Variants in HIKESHI observed in about 807,000 individuals in gnomAD.
The protein encoded by HIKESHI is protein Hikeshi.
In HIKESHI, 13 loss-of-function variants were observed where a neutral mutation model predicts 25.7. The observed-to-expected ratio is 0.51, with a 90% CI of 0.33 to 0.80. The LOEUF (loss-of-function observed/expected upper bound fraction) is 0.80. HIKESHI is among the 30% of genes least tolerant of loss of function. The probability of loss-of-function intolerance (pLI) is 0.02; values close to 1 mark genes in which losing one functional copy is unlikely to be tolerated. For synonymous variants in HIKESHI, 76 were observed against 78.7 expected (o/e 0.97, Z 0.18); for missense variants, 174 against 229.5 (o/e 0.76, Z 1.56).
rs528002201 is a variant in HIKESHI at position 86,345,380 on chromosome 11, C to G, written c.540-204C>G. 7.7e-5 allele frequency: 34 copies of G among 438,944 alleles called. 1 individual carries two copies. Among genetic ancestry groups the G allele is most frequent in the Middle Eastern group, 1.2e-3 (2 of 1,728 alleles). The allele number at this position is 438,944 out of a possible 1,614,324, so 27.2% of individuals were successfully genotyped here. On this transcript the variant is annotated intron_variant, in intron 4 of 4. Coordinates refer to ENST00000278483, the MANE Select transcript of HIKESHI (RefSeq NM_016401.4). ...TATGATTTGTGCTCTCTGATAAAAG[C>G]TAATCAAAACTGCCCCGATATTTAA... is the stretch of plus-strand genomic sequence containing the variant.
At chr11:86,331,076 C>A (rs566479269) in intron 2 of HIKESHI, among the ~76,000 whole-genome samples, 2 of 151,512 alleles carry the variant, frequency 1.3e-5, no homozygotes, top group African/African-American at 4.8e-5. Context: ...TTTTGTTTTT[C>A]TTTTTAGGGA....
intron 2 of HIKESHI, 40 bp downstream of exon 2, chr11:86,306,522 AC>A (rs1656750263): frequency 1.6e-6 from 2 of 1,269,080 alleles, no homozygotes; most frequent in Admixed American, 4.1e-5. Context: ...AATTAATCAA[AC>A]TTTTTTCTTA....
At chr11:86,338,315 A>G (rs1947624565) in intron 3 of HIKESHI, among the ~76,000 whole-genome samples, 3 of 152,300 alleles carry the variant, frequency 2.0e-5, no homozygotes, top group South Asian at 4.1e-4. Context: ...CCTATTATCA[A>G]GAGGAAAAAT....
chr11:86,310,872 T>C (rs946115458), intron 2 of HIKESHI, among the ~76,000 whole-genome samples: 3 of 152,196 alleles, frequency 2.0e-5, no homozygotes, highest in African/African-American at 7.2e-5. Context: ...ATTTATTGAT[T>C]TGTGTATGTT....
chr11:86,328,520 C>T (rs1275844269), intron 2 of HIKESHI, among the ~76,000 whole-genome samples: 1 of 151,580 alleles, frequency 6.6e-6, no homozygotes, highest in Non-Finnish European at 1.5e-5. Flanking sequence ...TGTATGCTCA[C>T]TGCAACCTCT....
chr11:86,316,082 C>T (rs1027999990), intron 2 of HIKESHI, among the ~76,000 whole-genome samples: 2 of 127,224 alleles, frequency 1.6e-5, no homozygotes, highest in Non-Finnish European at 3.1e-5. Context: ...GAGTCCAAGA[C>T]CAGATTGGGC....
At chr11:86,337,988 C>T (rs1281678353) in intron 3 of HIKESHI, among the ~76,000 whole-genome samples, 1 of 152,156 alleles carries the variant, frequency 6.6e-6, no homozygotes, top group African/African-American at 2.4e-5. Flanking sequence ...AATCAAGCTA[C>T]TTAACATATC....
intron 4 of HIKESHI, chr11:86,345,094 A>T: frequency 4.6e-6 from 5 of 1,083,964 alleles, no homozygotes; most frequent in South Asian, 4.2e-5. Context: ...TGTTTTATAG[A>T]TATTTCTTTT....
At chr11:86,341,675 T>C (rs1947734978) in intron 3 of HIKESHI, among the ~76,000 whole-genome samples, 1 of 152,092 alleles carries the variant, frequency 6.6e-6, no homozygotes, top group Admixed American at 6.5e-5. Flanking sequence ...AGATGGGGCC[T>C]CATTATGTTG....
At chr11:86,319,242 A>ATATTTTTTTTTTTTT (rs1383589741) in intron 2 of HIKESHI, among the ~76,000 whole-genome samples, 1 of 94,952 alleles carries the variant, frequency 1.1e-5, no homozygotes, top group African/African-American at 4.6e-5. Flanking sequence ...ATATATATAT[A>ATATTTTTTTTTTTTT]TTTTTTTTTT....
intron 3 of HIKESHI, chr11:86,344,240 A>C (rs1007933499): frequency 1.2e-5 from 2 of 167,058 alleles, no homozygotes; most frequent in African/African-American, 2.4e-5. Context: ...ATTTTGAAGA[A>C]AAATTTTTTT....
chr11:86,321,599 G>A (rs1477946139), intron 2 of HIKESHI, among the ~76,000 whole-genome samples: 1 of 151,214 alleles, frequency 6.6e-6, no homozygotes, highest in Non-Finnish European at 1.5e-5. Flanking sequence ...GCATGATCTC[G>A]ACTCACTGCA....
intron 2 of HIKESHI, among the ~76,000 whole-genome samples, chr11:86,316,028 G>A (rs1437720548): frequency 4.1e-5 from 6 of 145,786 alleles, no homozygotes; most frequent in Non-Finnish European, 7.5e-5. Context: ...GCTAATAGTC[G>A]CAGCTACTCA....
intron 2 of HIKESHI, among the ~76,000 whole-genome samples, chr11:86,314,788 G>T (rs949015303): frequency 5.9e-5 from 9 of 152,076 alleles, no homozygotes; most frequent in Admixed American, 5.9e-4. Context: ...AAATCCCTAC[G>T]GCTATGGTTC....
At chr11:86,324,026 A>G (rs146996096) in intron 2 of HIKESHI, 5 of 152,202 alleles carry the variant, frequency 3.3e-5, no homozygotes, top group African/African-American at 9.6e-5. Context: ...ATGTGGTCTC[A>G]CTATGTTGCC....
chr11:86,337,791 G>A (rs1170030166), intron 3 of HIKESHI, among the ~76,000 whole-genome samples: 1 of 152,094 alleles, frequency 6.6e-6, no homozygotes, highest in Non-Finnish European at 1.5e-5. Context: ...CTGAGTAGCT[G>A]GGACTACAGG....
chr11:86,319,450 T>A (rs1369840735), intron 2 of HIKESHI, among the ~76,000 whole-genome samples: 1 of 149,598 alleles, frequency 6.7e-6, no homozygotes, highest in East Asian at 2.0e-4. Flanking sequence ...AGAGATGGGG[T>A]TTTGCCATGC....
intron 2 of HIKESHI, among the ~76,000 whole-genome samples, chr11:86,312,062 G>C (rs1403553385): frequency 6.6e-6 from 1 of 152,198 alleles, no homozygotes. Flanking sequence ...GAGTTCTGTA[G>C]ATGTCTATTA....
chr11:86,314,048 T>G (rs1946906985), intron 2 of HIKESHI, among the ~76,000 whole-genome samples: 1 of 152,220 alleles, frequency 6.6e-6, no homozygotes, highest in Non-Finnish European at 1.5e-5. Context: ...TTTAACATGC[T>G]TAGGTCACAG....
Sources: allele counts gnomAD v4.1 joint callset (sites outside exome capture counted in the v4.1 genomes callset), GRCh38; gene constraint gnomAD v4.1.1; transcripts MANE v1.5; gene names NCBI Gene and HGNC (gene_info 2026-07-23, HGNC 2026-07-21).